The following AGO2 variants were observed in gnomAD, a reference collection of about 807,000 sequenced individuals.
AGO2 encodes the protein protein argonaute-2.
Under a neutral mutation model 102.3 loss-of-function variants are expected in AGO2, and 5 were observed. The observed-to-expected ratio is 0.05, with a 90% CI of 0.03 to 0.10. The LOEUF is 0.10. Ranked by LOEUF, AGO2 falls within the 10% of genes least tolerant of loss-of-function variation. The pLI is 1.00. For missense variants in AGO2, 541 were observed against 1,183.7 expected, an observed-to-expected ratio of 0.46 and a Z score of 7.97; for synonymous variants, 449 against 473.1, an observed-to-expected ratio of 0.95 and a Z score of 0.66.
At chr8:140,558,228 T>C (rs1480663217) in intron 7 of AGO2, among the ~76,000 whole-genome samples, 1 of 152,168 alleles carries the variant, frequency 6.6e-6, no homozygotes, top group African/African-American at 2.4e-5. Flanking sequence ...CTCTCCTCTG[T>C]GAGGCTCAGG....
At chr8:140,593,475 A>C (rs2073775055) in intron 1 of AGO2, among the ~76,000 whole-genome samples, 1 of 150,412 alleles carries the variant, frequency 6.6e-6, no homozygotes, top group Admixed American at 6.7e-5. Flanking sequence ...TACAGGTGTG[A>C]GCCACTGTGC....
rs369728054 is a variant in AGO2 at position 140,562,445 on chromosome 8, G to A, written c.518+8C>T. ...TCCCCCGCCCTTGGTCCCGTGTGGC[G>A]CCCTCACCTCATGGATGGCAAGTGC... is the stretch of plus-strand genomic sequence containing the variant. On this transcript the variant is annotated splice_region_variant and intron_variant, in intron 4 of 18. Transcript: ENST00000220592. 103 of 1,606,708 alleles carry A rather than the reference G, an allele frequency of 6.4e-5. 1 individual carries two copies. Among genetic ancestry groups the A allele is most frequent in the Middle Eastern group, 2.0e-4 (1 of 4,910 alleles).
intron 1 of AGO2, among the ~76,000 whole-genome samples, chr8:140,607,486 AT>A (rs2133060018): frequency 4.7e-5 from 1 of 21,296 alleles, no homozygotes; most frequent in South Asian, 1.5e-3. Flanking sequence ...ATATATATAT[AT>A]ATATATATAT....
In AGO2 at chr8:140,557,875, C is replaced by T. The variant is rs1402186142; in HGVS notation, c.878+610G>A. ...GCCTCTGCCAGGCCACAGGCCCTCTCGTCCTTCTGCTCCCTCAGCCACGGG... is the reference window on the plus strand; with the variant it reads ...GCCTCTGCCAGGCCACAGGCCCTCTTGTCCTTCTGCTCCCTCAGCCACGGG... On this transcript the variant is annotated intron_variant, in intron 7 of 18. Coordinates refer to ENST00000220592, the MANE Select transcript of AGO2 (RefSeq NM_012154.5). The surrounding 1 kb of genome is among the most constrained non-coding windows in gnomAD (Gnocchi z 5.9). 2.6e-5 allele frequency among the ~76,000 whole-genome samples: 4 copies of T among 152,214 alleles called. No homozygotes were observed. Among genetic ancestry groups the T allele is most frequent in the Non-Finnish European group, 5.9e-5 (4 of 68,024 alleles).
At chr8:140,585,849 A>G (rs2133013646) in intron 1 of AGO2, among the ~76,000 whole-genome samples, 1 of 152,370 alleles carries the variant, frequency 6.6e-6, no homozygotes, top group East Asian at 1.9e-4. Flanking sequence ...CCATTTAAAA[A>G]AAATCACATG....
chr8:140,605,624 A>T (rs781552187), intron 1 of AGO2, among the ~76,000 whole-genome samples: 12 of 152,238 alleles, frequency 7.9e-5, no homozygotes, highest in Admixed American at 1.3e-4. Context: ...GCGGTAGGTC[A>T]GAAGCCATGC....
At chr8:140,553,628 C>T (rs974748376) in intron 10 of AGO2, among the ~76,000 whole-genome samples, 32 of 151,862 alleles carry the variant, frequency 2.1e-4, no homozygotes, top group South Asian at 1.9e-3. Flanking sequence ...AGGCTGGTCT[C>T]GAATTCCTGA....
upstream of AGO2, among the ~76,000 whole-genome samples, chr8:140,640,269 C>T (rs1374168380): frequency 3.3e-5 from 5 of 152,192 alleles, no homozygotes; most frequent in South Asian, 2.1e-4. Context: ...CTTGGCCTCC[C>T]GAAGTGCTGG....
intron 3 of AGO2, among the ~76,000 whole-genome samples, chr8:140,566,523 G>A (rs1483392129): frequency 6.6e-6 from 1 of 151,654 alleles, no homozygotes; most frequent in African/African-American, 2.4e-5. Flanking sequence ...ACAAGTAACA[G>A]TAACTGAAAA....
At chr8:140,596,991 T>C (rs1158651111) in intron 1 of AGO2, among the ~76,000 whole-genome samples, 1 of 152,060 alleles carries the variant, frequency 6.6e-6, no homozygotes, top group Admixed American at 6.5e-5. Context: ...GGCCCCAGAG[T>C]GCGTCCCACT....
intron 1 of AGO2, among the ~76,000 whole-genome samples, chr8:140,632,976 A>G (rs2074360506): frequency 6.7e-6 from 1 of 150,284 alleles, no homozygotes; most frequent in South Asian, 2.1e-4. Context: ...GCAGTGGCGC[A>G]ATCTTGGCTC....
chr8:140,578,483 C>T (rs1271764058), intron 2 of AGO2, among the ~76,000 whole-genome samples: 2 of 152,228 alleles, frequency 1.3e-5, no homozygotes, highest in East Asian at 3.9e-4. Context: ...GGGGACCCTG[C>T]TCGCGGAGTC....
At chr8:140,576,627 T>C (rs1296899095) in intron 2 of AGO2, among the ~76,000 whole-genome samples, 18 of 152,152 alleles carry the variant, frequency 1.2e-4, no homozygotes, top group Admixed American at 1.2e-3. Flanking sequence ...CAAGAGCTGG[T>C]GAAGGCGGAG....
intron 15 of AGO2, 140 bp downstream of exon 15, chr8:140,541,024 T>A: frequency 1.2e-6 from 1 of 852,914 alleles, no homozygotes. Flanking sequence ...CTGGACCCCC[T>A]TCCATGGTGT....
intron 1 of AGO2, among the ~76,000 whole-genome samples, chr8:140,603,224 A>G (rs1369821661): frequency 6.6e-6 from 1 of 152,102 alleles, no homozygotes; most frequent in Non-Finnish European, 1.5e-5. Context: ...AGACGATGGA[A>G]TCCCAGATCT....
intron 1 of AGO2, among the ~76,000 whole-genome samples, chr8:140,590,925 C>G (rs181579031): frequency 5.8e-4 from 88 of 152,366 alleles, no homozygotes; most frequent in Non-Finnish European, 1.1e-3. Flanking sequence ...GCCCCTACCC[C>G]TCCTCCTGTG....
chr8:140,610,080 C>T (rs550328755), intron 1 of AGO2, among the ~76,000 whole-genome samples: 2 of 151,508 alleles, frequency 1.3e-5, no homozygotes, highest in African/African-American at 4.8e-5. Flanking sequence ...TGGTGCACAC[C>T]CGTAATCCCA....
rs190831275 is a variant in AGO2, at chr8:140,604,549, G to A, written c.23-19238C>T. Among the ~76,000 whole-genome samples the A allele has an allele frequency of 8.9e-4, 136 of 152,134 alleles. 1 individual carries two copies. Among genetic ancestry groups the A allele is most frequent in the African/African-American group, 1.9e-3 (77 of 41,496 alleles). ...CTACTAAAAATACAAAAATTAGGCC[G>A]GGTGCGGTGGCTCATGCCTGTCATT... On this transcript the variant is annotated intron_variant, in intron 1 of 18. Transcript: ENST00000220592.
intron 1 of AGO2, among the ~76,000 whole-genome samples, chr8:140,595,134 G>GTC (rs1161727732): frequency 6.6e-6 from 1 of 152,066 alleles, no homozygotes; most frequent in Non-Finnish European, 1.5e-5. Flanking sequence ...ATACCCAGGC[G>GTC]TCTACACACG....
Sources: allele counts gnomAD v4.1 joint callset (sites outside exome capture counted in the v4.1 genomes callset), GRCh38; gene constraint gnomAD v4.1.1; non-coding constraint Gnocchi (gnomAD v3.1); transcripts MANE v1.5; gene names NCBI Gene and HGNC (gene_info 2026-07-23, HGNC 2026-07-21).